Variants in KDM4C observed in about 807,000 individuals in gnomAD.
KDM4C encodes lysine-specific demethylase 4C.
Under a neutral mutation model 129.3 loss-of-function variants are expected in KDM4C, and 81 were observed. That is an observed-to-expected ratio of 0.63 (90% CI 0.52 to 0.75). The LOEUF is 0.75. KDM4C is among the 30% of genes least tolerant of loss of function. The probability of loss-of-function intolerance (pLI) is 0.00; values close to 1 mark genes in which losing one functional copy is unlikely to be tolerated. For missense variants in KDM4C, 1,457 were observed against 1,304.0 expected (o/e 1.12, Z -1.81); for synonymous variants, 573 against 456.1 (o/e 1.26, Z -3.26).
intron 17 of KDM4C, among the ~76,000 whole-genome samples, chr9:7,077,779 A>T: frequency 6.6e-6 from 1 of 152,188 alleles, no homozygotes; most frequent in Non-Finnish European, 1.5e-5. Flanking sequence ...CCACATTTTC[A>T]ACTTGCAGAC....
chr9:6,746,246 T>TTATATATATATATATATATA (rs749012885), intron 1 of KDM4C, among the ~76,000 whole-genome samples: 1 of 116,028 alleles, frequency 8.6e-6, no homozygotes, highest in Non-Finnish European at 1.7e-5. Context: ...CAGCCAGCCA[T>TTATATATATATATATATATA]TATATATATA....
rs1449646257 is a variant in KDM4C, at chr9:6,792,962, T to G, written c.-17-10T>G. The stretch of plus-strand genomic sequence containing the variant: ...ATTCAGTTCTGTTGACCCTACTGTC[T>G]TCTCTCCAGACACTGCCCTAACCAT... On this transcript the variant is annotated splice_polypyrimidine_tract_variant and intron_variant, in intron 1 of 21. Coordinates refer to ENST00000381309, the MANE Select transcript of KDM4C (RefSeq NM_015061.6). 1 of 1,613,712 alleles carries G rather than the reference T, an allele frequency of 6.2e-7. No homozygotes were observed. The highest frequency in any genetic ancestry group is 8.5e-7 in the Non-Finnish European group (1 of 1,179,820).
intron 18 of KDM4C, among the ~76,000 whole-genome samples, chr9:7,108,127 A>G (rs1837906531): frequency 6.6e-6 from 1 of 152,058 alleles, no homozygotes; most frequent in South Asian, 2.1e-4. Flanking sequence ...CGTTCTAGAA[A>G]CTTGTCTAGG....
chr9:7,041,839 C>T (rs1223000029), intron 15 of KDM4C, among the ~76,000 whole-genome samples: 1 of 152,016 alleles, frequency 6.6e-6, no homozygotes, highest in Non-Finnish European at 1.5e-5. Flanking sequence ...ATCTGCCTGC[C>T]TTTCATAGTT....
At chr9:7,091,909 C>A (rs924631690) in intron 17 of KDM4C, among the ~76,000 whole-genome samples, 12 of 152,196 alleles carry the variant, frequency 7.9e-5, no homozygotes, top group Admixed American at 4.6e-4. Flanking sequence ...AGGTCTCAGA[C>A]CCTGGGCTCA....
At chr9:6,990,324 A>G in intron 11 of KDM4C, 92 bp from the exon 12 acceptor site, 1 of 821,814 alleles carries the variant, frequency 1.2e-6, no homozygotes, top group Non-Finnish European at 2.0e-6. Flanking sequence ...CTTCAACATT[A>G]AGTGATAAAT....
intron 1 of KDM4C, among the ~76,000 whole-genome samples, chr9:6,752,385 A>G (rs904456521): frequency 2.7e-5 from 4 of 147,154 alleles, no homozygotes; most frequent in African/African-American, 5.1e-5. Context: ...GGTAAAACAA[A>G]AAATTGGTAA....
At chr9:7,121,008 T>C (rs556775693) in intron 18 of KDM4C, among the ~76,000 whole-genome samples, 1 of 152,286 alleles carries the variant, frequency 6.6e-6, no homozygotes, top group East Asian at 1.9e-4. Flanking sequence ...GAGAAACACA[T>C]AAAGAAGTAC....
chr9:6,844,328 A>C (rs1419756899), intron 4 of KDM4C, among the ~76,000 whole-genome samples: 1 of 152,172 alleles, frequency 6.6e-6, no homozygotes, highest in African/African-American at 2.4e-5. Context: ...GTATTTTGAC[A>C]ATAAATGTGA....
At chr9:7,076,309 A>G (rs1833907506) in intron 17 of KDM4C, 2 of 649,638 alleles carry the variant, frequency 3.1e-6, no homozygotes, top group East Asian at 2.8e-5. Flanking sequence ...TTCAAGGAAT[A>G]CATATGGGAA....
chr9:6,835,871 G>A (rs1412568331), intron 4 of KDM4C, among the ~76,000 whole-genome samples: 2 of 152,050 alleles, frequency 1.3e-5, no homozygotes, highest in Non-Finnish European at 2.9e-5. Flanking sequence ...ACAGGAAGTT[G>A]TTTGCCCTCC....
At chr9:6,725,701 CTTTT>C (rs1817099840) in intron 1 of KDM4C, among the ~76,000 whole-genome samples, 1 of 130,390 alleles carries the variant, frequency 7.7e-6, no homozygotes, top group South Asian at 2.4e-4. Flanking sequence ...CTTTTCTTTT[CTTTT>C]CTTTTCTTTT....
chr9:6,739,650 T>TC (rs1817627041), intron 1 of KDM4C, among the ~76,000 whole-genome samples: 2 of 147,850 alleles, frequency 1.4e-5, no homozygotes, highest in Non-Finnish European at 3.0e-5. Flanking sequence ...TTTTTTTTTT[T>TC]GCAAGTTAGA....
intron 18 of KDM4C, among the ~76,000 whole-genome samples, chr9:7,118,892 G>A (rs1839201470): frequency 1.3e-5 from 2 of 152,230 alleles, no homozygotes; most frequent in South Asian, 4.1e-4. Flanking sequence ...TGTAAACACA[G>A]GTCAGCCTTG....
intron 19 of KDM4C, among the ~76,000 whole-genome samples, 190 bp downstream of exon 19, chr9:7,128,426 G>A (rs12237824): frequency 0.19 from 28,913 of 148,316 alleles, 2,825 homozygotes; most frequent in East Asian, 0.27. Flanking sequence ...TTGGCCAAAC[G>A]TTATTTGGCC....
intron 15 of KDM4C, among the ~76,000 whole-genome samples, chr9:7,034,968 T>G (rs1175780612): frequency 6.6e-6 from 1 of 152,206 alleles, no homozygotes; most frequent in East Asian, 1.9e-4. Flanking sequence ...TTGTATGTAT[T>G]TTGTGAAATG....
intron 5 of KDM4C, among the ~76,000 whole-genome samples, chr9:6,861,974 G>T (rs367924388): frequency 6.6e-6 from 1 of 151,944 alleles, no homozygotes; most frequent in African/African-American, 2.4e-5. Context: ...GTTTTGCCGC[G>T]TTGGCCAGGC....
At chr9:7,151,174 A>G (rs1842692974) in intron 19 of KDM4C, among the ~76,000 whole-genome samples, 1 of 152,118 alleles carries the variant, frequency 6.6e-6, no homozygotes, top group Non-Finnish European at 1.5e-5. Flanking sequence ...AAAAAACTAG[A>G]TGGCCTTCAG....
At chr9:6,806,501 A>T (rs1040328459) in intron 3 of KDM4C, among the ~76,000 whole-genome samples, 5 of 114,230 alleles carry the variant, frequency 4.4e-5, no homozygotes, top group African/African-American at 1.7e-4. Context: ...TCTCGAAAAA[A>T]TAAATAAATA....
Sources: allele counts gnomAD v4.1 joint callset (sites outside exome capture counted in the v4.1 genomes callset), GRCh38; gene constraint gnomAD v4.1.1; transcripts MANE v1.5; gene names NCBI Gene and HGNC (gene_info 2026-07-23, HGNC 2026-07-21).